Variants in TTC6 observed in about 807,000 individuals in gnomAD.
The protein encoded by TTC6 is tetratricopeptide repeat domain 6, also known as tetratricopeptide repeat protein 6.
TTC6 carries 172 observed loss-of-function variants against 210.4 expected under a neutral mutation model. That is an observed-to-expected ratio of 0.82 (90% CI 0.72 to 0.93). The LOEUF is 0.93. TTC6 is among the 40% of genes least tolerant of loss of function. The pLI is 0.00. For synonymous variants in TTC6, 804 were observed against 819.6 expected (o/e 0.98, Z 0.32); for missense variants, 2,414 against 2,318.1 (o/e 1.04, Z -0.85).
At chr14:37,815,058 C>T (rs2096138229) in intron 25 of TTC6, among the ~76,000 whole-genome samples, 1 of 152,046 alleles carries the variant, frequency 6.6e-6, no homozygotes, top group Non-Finnish European at 1.5e-5. Context: ...TTCCTCTTTT[C>T]CCTCTTGAAA....
Position 37,667,783 on chromosome 14 carries a change from A to C in TTC6, c.940-12368A>C, listed in dbSNP as rs565203313. Reference sequence around the variant, plus strand: ...GGATCCTTACAGTGTCTTCACGACCAACTTTCAGTTTTTACCTCCACTAAA... The same window carrying C: ...GGATCCTTACAGTGTCTTCACGACCCACTTTCAGTTTTTACCTCCACTAAA... On this transcript the variant is annotated intron_variant, in intron 1 of 30. Coordinates refer to ENST00000553443, the Ensembl canonical transcript of TTC6. 1.3e-4 allele frequency among the ~76,000 whole-genome samples: 19 copies of C among 150,684 alleles called. 2 individuals are homozygous for C. Among genetic ancestry groups the C allele is most frequent in the Non-Finnish European group, 2.2e-4 (15 of 67,154 alleles).
chr14:37,749,960 CAGTT>C, intron 12 of TTC6, 117 bp downstream of exon 14: 1 of 712,576 alleles, frequency 1.4e-6, no homozygotes, highest in Non-Finnish European at 1.9e-6. Context: ...TGACTTTCCT[CAGTT>C]AAATTTTTTT....
intron 6 of TTC6, chr14:37,720,366 G>A (rs1250670910): frequency 1.3e-5 from 2 of 151,962 alleles, no homozygotes; most frequent in African/African-American, 2.4e-5. Context: ...GCATGCCTGG[G>A]CGCTTACCTT....
intron 1 of TTC6, among the ~76,000 whole-genome samples, chr14:37,632,681 A>G (rs576214913): frequency 2.3e-4 from 35 of 152,342 alleles, no homozygotes; most frequent in African/African-American, 7.9e-4. Flanking sequence ...CAGAGCCAGC[A>G]GGAAGGAAGG....
At chr14:37,792,763 C>T (rs561883434) in intron 17 of TTC6, among the ~76,000 whole-genome samples, 1 of 145,222 alleles carries the variant, frequency 6.9e-6, no homozygotes, top group South Asian at 2.2e-4. Flanking sequence ...CAATTTGAGT[C>T]TATGGTCCAA....
chr14:37,829,536 A>G (rs950723229), intron 29 of TTC6, among the ~76,000 whole-genome samples: 1 of 152,046 alleles, frequency 6.6e-6, no homozygotes, highest in Non-Finnish European at 1.5e-5. Flanking sequence ...ATTCAATTTT[A>G]GTAATTTTTT....
chr14:37,818,370 G>T (rs1320606569), intron 26 of TTC6, among the ~76,000 whole-genome samples: 2 of 151,926 alleles, frequency 1.3e-5, no homozygotes, highest in Non-Finnish European at 2.9e-5. Flanking sequence ...TTAACTTTTG[G>T]TAATTTTGCT....
At chr14:37,642,624 A>G (rs1003796539) in intron 1 of TTC6, among the ~76,000 whole-genome samples, 19 of 152,276 alleles carry the variant, frequency 1.2e-4, no homozygotes, top group African/African-American at 4.3e-4. Flanking sequence ...ATGAGTCCCT[A>G]TCTCTTTTTT....
intron 1 of TTC6, among the ~76,000 whole-genome samples, chr14:37,626,248 A>C (rs1354275072): frequency 6.6e-6 from 1 of 152,152 alleles, no homozygotes; most frequent in Non-Finnish European, 1.5e-5. Flanking sequence ...ACAAAAATAC[A>C]TTCTAATTAC....
At chr14:37,810,011 G>A (rs1595298396) in intron 24 of TTC6, among the ~76,000 whole-genome samples, 2 of 152,268 alleles carry the variant, frequency 1.3e-5, no homozygotes, top group South Asian at 2.1e-4. Flanking sequence ...TCTGTGAAAC[G>A]TGGACAGTGA....
intron 14 of TTC6, among the ~76,000 whole-genome samples, chr14:37,776,958 AG>A (rs2096039684): frequency 6.6e-6 from 1 of 152,180 alleles, no homozygotes; most frequent in Non-Finnish European, 1.5e-5. Flanking sequence ...TTCTGCTAAA[AG>A]GTCTGCTGTT....
chr14:37,808,303 A>G (rs2139420545), intron 23 of TTC6, among the ~76,000 whole-genome samples: 1 of 152,326 alleles, frequency 6.6e-6, no homozygotes, highest in East Asian at 1.9e-4. Flanking sequence ...AGAATCAAAG[A>G]GGAAGCAAAA....
exon 12 of TTC6, chr14:37,749,796 C>A (rs1457230109): frequency 1.4e-6 from 2 of 1,458,650 alleles, no homozygotes; most frequent in Non-Finnish European, 1.8e-6. Context: ...ATTAATGAAG[C>A]TTTGGATGAC....
intron 14 of TTC6, among the ~76,000 whole-genome samples, chr14:37,774,863 G>C (rs1020940126): frequency 1.3e-5 from 2 of 152,090 alleles, no homozygotes; most frequent in Non-Finnish European, 2.9e-5. Flanking sequence ...AATCTCTCTG[G>C]TTCTGGGCTT....
chr14:37,780,815 TC>T (rs2096052547), intron 14 of TTC6, among the ~76,000 whole-genome samples: 2 of 152,092 alleles, frequency 1.3e-5, no homozygotes, highest in South Asian at 4.2e-4. Flanking sequence ...TGTGTGGTGA[TC>T]CCCTCCCTGT....
intron 2 of TTC6, among the ~76,000 whole-genome samples, chr14:37,616,679 A>G (rs1179061953): frequency 1.3e-5 from 2 of 149,844 alleles, no homozygotes; most frequent in African/African-American, 4.9e-5. Flanking sequence ...CCTGGGCGAC[A>G]GAGTGATACT....
chr14:37,686,132 C>A (rs1455961159), intron 3 of TTC6, among the ~76,000 whole-genome samples: 1 of 151,926 alleles, frequency 6.6e-6, no homozygotes, highest in African/African-American at 2.4e-5. Flanking sequence ...GTCCAAGGAC[C>A]GAATCCTCTC....
At chr14:37,647,910 A>G (rs965708533) in intron 1 of TTC6, among the ~76,000 whole-genome samples, 1 of 152,130 alleles carries the variant, frequency 6.6e-6, no homozygotes, top group Non-Finnish European at 1.5e-5. Context: ...CCAAGTGAAA[A>G]AACATTTCAA....
chr14:37,733,199 T>C (rs2095892496), intron 7 of TTC6, among the ~76,000 whole-genome samples: 1 of 152,218 alleles, frequency 6.6e-6, no homozygotes, highest in Non-Finnish European at 1.5e-5. Flanking sequence ...TTACCCCTTC[T>C]TGACTTACGC....
Sources: gnomAD v4.1 joint callset for allele counts (sites outside exome capture counted in the v4.1 genomes callset) on GRCh38, gnomAD v4.1.1 for gene constraint, MANE v1.5 for transcripts, NCBI Gene and HGNC (gene_info 2026-07-23, HGNC 2026-07-21) for gene names.